NTRK3: variants seen among roughly 807,000 people sequenced by gnomAD.
NTRK3 encodes NT-3 growth factor receptor.
In NTRK3, 24 loss-of-function variants were observed where a neutral mutation model predicts 91.7. The ratio of observed to expected loss-of-function variants is 0.26; its 90% CI spans 0.19 to 0.37. The LOEUF (loss-of-function observed/expected upper bound fraction) is 0.37, where lower values mean the gene tolerates loss of function less well. Among genes scored for constraint, NTRK3 ranks in the 10% least tolerant of loss-of-function variants. The pLI is 1.00. For missense variants in NTRK3, 880 were observed against 1,068.9 expected, an observed-to-expected ratio of 0.82 and a Z score of 2.46; for synonymous variants, 483 against 404.0, an observed-to-expected ratio of 1.20 and a Z score of -2.34.
intron 6 of NTRK3, among the ~76,000 whole-genome samples, chr15:88,147,077 C>T (rs1171975660): frequency 6.6e-6 from 1 of 152,030 alleles, no homozygotes; most frequent in Non-Finnish European, 1.5e-5. Context: ...TAATTATCTA[C>T]AGATCACAAA....
intron 14 of NTRK3, among the ~76,000 whole-genome samples, chr15:88,002,775 A>G (rs2076210050): frequency 6.6e-6 from 1 of 152,104 alleles, no homozygotes; most frequent in African/African-American, 2.4e-5. Context: ...ACCAACAGAA[A>G]ATTAAAACAA....
At chr15:88,053,761 G>C (rs1160531923) in intron 13 of NTRK3, among the ~76,000 whole-genome samples, 1 of 152,236 alleles carries the variant, frequency 6.6e-6, no homozygotes, top group Non-Finnish European at 1.5e-5. Context: ...CACATAGCCA[G>C]GGCTAGATAA....
At chr15:87,944,683 T>C (rs553950033) in intron 14 of NTRK3, among the ~76,000 whole-genome samples, 3 of 152,302 alleles carry the variant, frequency 2.0e-5, no homozygotes, top group Admixed American at 6.5e-5. Flanking sequence ...CTACTCAACT[T>C]TCCCTCACTC....
chr15:87,938,779 G>T (rs1567129866), intron 15 of NTRK3, among the ~76,000 whole-genome samples: 1 of 152,182 alleles, frequency 6.6e-6, no homozygotes, highest in East Asian at 1.9e-4. Flanking sequence ...GGGCAGTGCA[G>T]ATCCTAAGTT....
intron 14 of NTRK3, among the ~76,000 whole-genome samples, chr15:87,963,027 T>G (rs1190485629): frequency 2.0e-5 from 3 of 152,224 alleles, no homozygotes; most frequent in Non-Finnish European, 4.4e-5. Context: ...TAATGACCTC[T>G]GCATTCAACG....
Position 88,237,563 on chromosome 15 carries a change from G to A in NTRK3, c.248+18343C>T, listed in dbSNP as rs185397232. 6.6e-6 allele frequency among the ~76,000 whole-genome samples: 1 copy of A among 152,118 alleles called. No individual in the cohort carries two copies. The highest frequency in any genetic ancestry group is 1.9e-4 in the East Asian group (1 of 5,200). On this transcript the variant is annotated intron_variant, in intron 3 of 18. Transcript: ENST00000394480. The surrounding 1 kb of genome is among the most constrained non-coding windows in gnomAD (Gnocchi z 4.0). Reference sequence around the variant, plus strand: ...ATGCACTTTATATATGAGTTGTTTTGCTTATTTACACCTGAGATCTAAATT... The same window carrying A: ...ATGCACTTTATATATGAGTTGTTTTACTTATTTACACCTGAGATCTAAATT...
intron 14 of NTRK3, among the ~76,000 whole-genome samples, chr15:88,019,470 G>T (rs1211653037): frequency 6.6e-6 from 1 of 152,226 alleles, no homozygotes; most frequent in Non-Finnish European, 1.5e-5. Context: ...AGCCCCAGGG[G>T]AGAATCTGGA....
chr15:88,003,058 G>T (rs868012793), intron 14 of NTRK3, among the ~76,000 whole-genome samples: 1 of 152,166 alleles, frequency 6.6e-6, no homozygotes, highest in Non-Finnish European at 1.5e-5. Flanking sequence ...ACAGAGCAAA[G>T]GGCATGCTTA....
chr15:87,931,747 G>A (rs1192446447), intron 16 of NTRK3, among the ~76,000 whole-genome samples: 1 of 152,188 alleles, frequency 6.6e-6, no homozygotes, highest in Non-Finnish European at 1.5e-5. Context: ...CAGAGCTCCA[G>A]AGAGTCCTCC....
At chr15:88,065,081 G>A (rs974885374) in intron 13 of NTRK3, among the ~76,000 whole-genome samples, 2 of 152,160 alleles carry the variant, frequency 1.3e-5, no homozygotes, top group African/African-American at 4.8e-5. Flanking sequence ...GTATGGCTCA[G>A]TAGTGTTCCC....
At chr15:88,137,668 G>A (rs2042005758) in intron 6 of NTRK3, 107 bp from the exon 7 acceptor site, 3 of 1,109,518 alleles carry the variant, frequency 2.7e-6, no homozygotes, top group Admixed American at 4.2e-5. Flanking sequence ...GGATTAAGGG[G>A]AGAAGGGATT....
chr15:88,174,266 A>T (rs2045791627), intron 5 of NTRK3, among the ~76,000 whole-genome samples: 1 of 152,148 alleles, frequency 6.6e-6, no homozygotes, highest in African/African-American at 2.4e-5. Context: ...GTGAAAACAG[A>T]CCAAATGGGT....
intron 3 of NTRK3, among the ~76,000 whole-genome samples, chr15:88,185,500 G>A (rs983516565): frequency 6.6e-6 from 1 of 152,030 alleles, no homozygotes; most frequent in Admixed American, 6.6e-5. Flanking sequence ...AGCTCTAAAG[G>A]TGTATGAATG....
In NTRK3 at chr15:88,234,425, GCA is replaced by G. The variant is rs375990287; in HGVS notation, c.248+21479_248+21480del. Among the ~76,000 whole-genome samples the G allele has an allele frequency of 1.7e-3, 265 of 152,326 alleles. No homozygotes were observed. Among genetic ancestry groups the G allele is most frequent in the African/African-American group, 6.0e-3 (248 of 41,572 alleles). On this transcript the variant is annotated intron_variant, in intron 3 of 18. Coordinates refer to ENST00000394480, the Ensembl canonical transcript of NTRK3. This position sits in a 1 kb window ranked among gnomAD's most constrained non-coding sequence, Gnocchi z 6.1. ...TAAGAAGCCCATATTCCTTGGGCCT[GCA>G]CAGTCTCTCCCCTCTCGACTTCCCC...
intron 13 of NTRK3, among the ~76,000 whole-genome samples, chr15:88,064,346 C>G (rs1423193105): frequency 3.9e-5 from 6 of 152,226 alleles, no homozygotes; most frequent in African/African-American, 1.4e-4. Flanking sequence ...AATACCATCA[C>G]CTAGAGATGG....
In NTRK3 at chr15:88,228,165, G is replaced by A. The variant is rs184459679; in HGVS notation, c.248+27741C>T. 1.1e-3 allele frequency among the ~76,000 whole-genome samples: 161 copies of A among 152,152 alleles called. 1 individual carries two copies. The highest frequency in any genetic ancestry group is 3.3e-3 in the African/African-American group (136 of 41,524). On this transcript the variant is annotated intron_variant, in intron 3 of 18. Transcript: ENST00000394480. ...CTGATCTTCCTCTATCTCTGGGCAC[G>A]TCACTCCCCTCTCTCCTGGGCTCCC...
intron 5 of NTRK3, among the ~76,000 whole-genome samples, chr15:88,168,944 T>C (rs1056810656): frequency 3.9e-5 from 6 of 152,216 alleles, no homozygotes; most frequent in African/African-American, 1.4e-4. Flanking sequence ...ACACTTGTGC[T>C]GAAACCTGAA....
At chr15:87,937,490 G>A (rs2088151242) in intron 15 of NTRK3, among the ~76,000 whole-genome samples, 1 of 152,142 alleles carries the variant, frequency 6.6e-6, no homozygotes, top group Admixed American at 6.5e-5. Context: ...TTAAGCTCCT[G>A]CTTCAATTTA....
chr15:87,952,215 AAAG>A (rs1449693784), intron 14 of NTRK3, among the ~76,000 whole-genome samples: 1 of 150,412 alleles, frequency 6.6e-6, no homozygotes, highest in Non-Finnish European at 1.5e-5. Flanking sequence ...AGAAAGAAGA[AAAG>A]AAAAGAGAAA....
Sources: gnomAD v4.1 joint callset for allele counts (sites outside exome capture counted in the v4.1 genomes callset) on GRCh38, gnomAD v4.1.1 for gene constraint, Gnocchi (gnomAD v3.1) non-coding constraint, MANE v1.5 for transcripts, NCBI Gene and HGNC (gene_info 2026-07-23, HGNC 2026-07-21) for gene names.